The following ABHD2 variants were observed in gnomAD, a reference collection of about 807,000 sequenced individuals.
ABHD2 encodes abhydrolase domain containing 2, acylglycerol lipase, also known as monoacylglycerol lipase ABHD2.
Under a neutral mutation model 48.1 loss-of-function variants are expected in ABHD2, and 20 were observed. The observed-to-expected ratio is 0.42, with a 90% CI of 0.29 to 0.60. ABHD2 has a LOEUF of 0.60. Among genes scored for constraint, ABHD2 ranks in the 20% least tolerant of loss-of-function variants. The pLI is 0.24. For missense variants in ABHD2, 405 were observed against 550.9 expected (o/e 0.74, Z 2.65); for synonymous variants, 209 against 214.2 (o/e 0.98, Z 0.21).
In ABHD2 at chr15:89,114,646, C is replaced by CA. The variant is rs1479982920; in HGVS notation, c.-7+825dup. ...TACAGGCATGTGCCACCACGCCCGG[C>CA]AAATTTTTGTATTTTTGGTAGAGAC... On this transcript the variant is annotated intron_variant, in intron 2 of 10. Transcript: ENST00000352732. The surrounding 1 kb of genome is among the most constrained non-coding windows in gnomAD (Gnocchi z 4.2). Among the ~76,000 whole-genome samples the CA allele has an allele frequency of 1.3e-5, 2 of 152,218 alleles. No homozygotes were observed. Among genetic ancestry groups the CA allele is most frequent in the East Asian group, 3.9e-4 (2 of 5,164 alleles).
chr15:89,048,202 T>G, the ABHD2 span, among the ~76,000 whole-genome samples: 3 of 151,374 alleles, frequency 2.0e-5, no homozygotes, highest in African/African-American at 7.3e-5. Flanking sequence ...AAAATTCTTT[T>G]CTTTAAGAAT....
chr15:89,047,810 T>C, the ABHD2 span, among the ~76,000 whole-genome samples: 1 of 147,630 alleles, frequency 6.8e-6, no homozygotes, highest in African/African-American at 2.6e-5. Flanking sequence ...TGAGATGGGT[T>C]TCCTGAATAC....
rs2150960520 is a variant in ABHD2 at position 89,197,083 on chromosome 15, C to T, written c.*1660C>T. 1 of 152,760 alleles carries T rather than the reference C, an allele frequency of 6.5e-6. No individual in the cohort carries two copies. Among genetic ancestry groups the T allele is most frequent in the Non-Finnish European group, 1.5e-5 (1 of 68,048 alleles). The allele number at this position is 152,760 out of a possible 1,614,324, so 9.5% of individuals were successfully genotyped here. ...GCCACCTGGGCGCCTGAGTGCCAAC[C>T]CTCAGGGCCACAGGTGGGTGTGGTT... On this transcript the variant is annotated 3_prime_UTR_variant, in exon 11 of 11. Coordinates refer to ENST00000352732, the MANE Select transcript of ABHD2 (RefSeq NM_152924.5). This position sits in a 1 kb window ranked among gnomAD's most constrained non-coding sequence, Gnocchi z 4.4.
Position 89,104,139 on chromosome 15 carries a change from A to G in ABHD2, c.-106-9586A>G, listed in dbSNP as rs1250449312. 1 of 152,258 alleles carries G rather than the reference A, an allele frequency of 6.6e-6. No homozygotes were observed. Among genetic ancestry groups the G allele is most frequent in the Non-Finnish European group, 1.5e-5 (1 of 68,070 alleles). The allele number at this position is 152,258 out of a possible 1,614,324, so 9.4% of individuals were successfully genotyped here. A position where few individuals can be genotyped will look rare whatever the true frequency, so the allele number is the denominator to read the frequency against. On this transcript the variant is annotated intron_variant, in intron 1 of 10. Transcript: ENST00000352732. This position sits in a 1 kb window ranked among gnomAD's most constrained non-coding sequence, Gnocchi z 4.4. Reference sequence around the variant, plus strand: ...GAACCTTCTCTTGGTCTTGGAGGGCAAGGATCACAGAGCTTTTTCTGCTGT... The same window carrying G: ...GAACCTTCTCTTGGTCTTGGAGGGCGAGGATCACAGAGCTTTTTCTGCTGT...
At chr15:89,042,046 T>C in the ABHD2 span, among the ~76,000 whole-genome samples, 11 of 152,202 alleles carry the variant, frequency 7.2e-5, no homozygotes, top group Non-Finnish European at 1.5e-4. Context: ...ACAGTGAGCA[T>C]TACTATGTGC....
rs1233859489 is a variant in ABHD2 at position 89,189,081 on chromosome 15, G to A, written c.926+778G>A. On this transcript the variant is annotated intron_variant, in intron 8 of 10. Coordinates refer to ENST00000352732, the MANE Select transcript of ABHD2 (RefSeq NM_152924.5). The surrounding 1 kb of genome is among the most constrained non-coding windows in gnomAD (Gnocchi z 4.9). The stretch of plus-strand genomic sequence containing the variant: ...ACCTGAGGTTGCAGCCTTGACAGTG[G>A]CCTCTTTCCTGGTTCCAGTAGTTTC... Among the ~76,000 whole-genome samples, 1 of 152,144 alleles carries A rather than the reference G, an allele frequency of 6.6e-6. No homozygotes were observed. Among genetic ancestry groups the A allele is most frequent in the African/African-American group, 2.4e-5 (1 of 41,434 alleles).
Position 89,173,623 on chromosome 15 carries a change from C to T in ABHD2, c.539-2189C>T, listed in dbSNP as rs2050964050. Among the ~76,000 whole-genome samples the T allele has an allele frequency of 6.6e-6, 1 of 152,176 alleles. No homozygotes were observed. Among genetic ancestry groups the T allele is most frequent in the South Asian group, 2.1e-4 (1 of 4,826 alleles). On this transcript the variant is annotated intron_variant, in intron 5 of 10. Coordinates refer to ENST00000352732, the MANE Select transcript of ABHD2 (RefSeq NM_152924.5). This position sits in a 1 kb window ranked among gnomAD's most constrained non-coding sequence, Gnocchi z 6.5. Reference sequence around the variant, plus strand: ...TGAATGAATCTGACTTCGGTGGGGACAACAGTCTGGCATTTCACATTCCAA... The same window carrying T: ...TGAATGAATCTGACTTCGGTGGGGATAACAGTCTGGCATTTCACATTCCAA...
chr15:89,098,574 T>A (rs981058613), intron 1 of ABHD2, among the ~76,000 whole-genome samples: 1 of 152,220 alleles, frequency 6.6e-6, no homozygotes, highest in African/African-American at 2.4e-5. Context: ...CTTCTCAGGT[T>A]CCAAATATCC....
chr15:89,188,381 A>T lies in ABHD2; in HGVS notation c.926+78A>T. ...AGGCTGCAGGTCAGCTGTGCCCAGC[A>T]CTAGTGTTTGCTCTGCCTACTTGAG... On this transcript the variant is annotated intron_variant, in intron 8 of 10. Coordinates refer to ENST00000352732, the MANE Select transcript of ABHD2 (RefSeq NM_152924.5). This position sits in a 1 kb window ranked among gnomAD's most constrained non-coding sequence, Gnocchi z 4.1. 1 of 1,305,678 alleles carries T rather than the reference A, an allele frequency of 7.7e-7. No homozygotes were observed. The highest frequency in any genetic ancestry group is 1.5e-5 in the African/African-American group (1 of 68,898). The allele number at this position is 1,305,678 out of a possible 1,614,324, so 80.9% of individuals were successfully genotyped here.
intron 3 of ABHD2, among the ~76,000 whole-genome samples, chr15:89,123,912 A>G (rs1231085944): frequency 6.6e-6 from 1 of 152,030 alleles, no homozygotes; most frequent in Non-Finnish European, 1.5e-5. Context: ...CCAGCCCCTA[A>G]TTATTTCTAA....
intron 3 of ABHD2, among the ~76,000 whole-genome samples, chr15:89,122,571 G>T (rs4932471): frequency 0.31 from 46,659 of 152,096 alleles, 8,082 homozygotes; most frequent in Non-Finnish European, 0.4. Flanking sequence ...GCTCTACCCT[G>T]TTTCTGGAAG....
At chr15:89,061,579 T>G in the ABHD2 span, among the ~76,000 whole-genome samples, 7 of 150,294 alleles carry the variant, frequency 4.7e-5, no homozygotes, top group African/African-American at 1.7e-4. Context: ...CAGATCTGTA[T>G]TTTTTTTTTC....
chr15:89,060,169 C>T, the ABHD2 span, among the ~76,000 whole-genome samples: 28 of 144,624 alleles, frequency 1.9e-4, no homozygotes, highest in African/African-American at 7.2e-4. Context: ...CAGCTCACTG[C>T]AACGTCCATC....
chr15:89,056,788 GT>G, the ABHD2 span, among the ~76,000 whole-genome samples: 1 of 151,942 alleles, frequency 6.6e-6, no homozygotes, highest in African/African-American at 2.4e-5. Flanking sequence ...CAGTTTTCTT[GT>G]CTGTAAAATG....
At chr15:89,130,006 G>A (rs2050194360) in intron 3 of ABHD2, among the ~76,000 whole-genome samples, 1 of 152,182 alleles carries the variant, frequency 6.6e-6, no homozygotes, top group South Asian at 2.1e-4. Flanking sequence ...GGTAAAAGAT[G>A]TGCCTAGATA....
At chr15:89,144,772 G>A (rs2050465076) in intron 3 of ABHD2, among the ~76,000 whole-genome samples, 1 of 152,198 alleles carries the variant, frequency 6.6e-6, no homozygotes, top group South Asian at 2.1e-4. Context: ...TAGAGGTGAT[G>A]AGTGCCCAAT....
At chr15:89,052,556 CAG>C in the ABHD2 span, among the ~76,000 whole-genome samples, 33 of 133,614 alleles carry the variant, frequency 2.5e-4, no homozygotes, top group African/African-American at 7.4e-4. Context: ...GACAGACAGA[CAG>C]ACACACACAC....
rs377171559 is a variant in ABHD2 at position 89,098,157 on chromosome 15, G to A, written c.-107+9594G>A. ...AGCCTCCCAAAGTGCTGGGATTACA[G>A]ATGTGCGCCATGGCACCCAGGCAAA... On this transcript the variant is annotated intron_variant, in intron 1 of 10. Transcript: ENST00000352732. Among the ~76,000 whole-genome samples, 14 of 152,292 alleles carry A rather than the reference G, an allele frequency of 9.2e-5. No homozygotes were observed. In the South Asian group the frequency reaches 2.7e-3, roughly 29 times the overall value.
chr15:89,056,870 A>G, the ABHD2 span, among the ~76,000 whole-genome samples: 1 of 142,598 alleles, frequency 7.0e-6, no homozygotes, highest in African/African-American at 2.6e-5. Flanking sequence ...TAGGCATTAA[A>G]TTTTTTTCAC....
Sources: gnomAD v4.1 joint callset for allele counts (sites outside exome capture counted in the v4.1 genomes callset) on GRCh38, gnomAD v4.1.1 for gene constraint, Gnocchi (gnomAD v3.1) non-coding constraint, MANE v1.5 for transcripts, NCBI Gene and HGNC (gene_info 2026-07-23, HGNC 2026-07-21) for gene names.